HTT-AS: variants seen among roughly 807,000 people sequenced by gnomAD.
The protein encoded by HTT-AS is HTT antisense RNA (head to head).
At chr4:3,067,655 T>C (rs1712080574) in intron 1 of HTT-AS, among the ~76,000 whole-genome samples, 1 of 152,138 alleles carries the variant, frequency 6.6e-6, no homozygotes. Context: ...GCCAATCGCA[T>C]AGCAATGGGA....
intron 2 of HTT-AS, among the ~76,000 whole-genome samples, chr4:3,049,945 CACATAT>C (rs1401124200): frequency 7.0e-6 from 1 of 142,420 alleles, no homozygotes; most frequent in Admixed American, 7.2e-5. Context: ...CACACACACA[CACATAT>C]ACACTTTTTT....
At chr4:3,070,518 G>C (rs771327209) in intron 1 of HTT-AS, among the ~76,000 whole-genome samples, 11 of 152,176 alleles carry the variant, frequency 7.2e-5, no homozygotes, top group Non-Finnish European at 1.6e-4. Flanking sequence ...TTGAACTCCT[G>C]ACCTCAGGTG....
At chr4:3,052,580 T>A (rs1015116428) in intron 2 of HTT-AS, among the ~76,000 whole-genome samples, 2 of 152,206 alleles carry the variant, frequency 1.3e-5, no homozygotes, top group African/African-American at 2.4e-5. Context: ...AGAAATTACT[T>A]CACATAGAGA....
At position 3,051,028 on chromosome 4, in the gene HTT-AS, ATTTG is replaced by A. The variant is rs1181267439; in HGVS notation, n.1381-1334_1381-1331del. Among the ~76,000 whole-genome samples, 59 of 83,308 alleles carry A rather than the reference ATTTG, an allele frequency of 7.1e-4. No individual in the cohort carries two copies. In the East Asian group the frequency reaches 9.8e-3, roughly 14 times the overall value. The allele number at this position is 83,308 out of a possible 152,430, so 54.7% of individuals were successfully genotyped here. A position where few individuals can be genotyped will look rare whatever the true frequency, so the allele number is the denominator to read the frequency against. The stretch of plus-strand genomic sequence containing the variant: ...TATAAACCTTTTATAATCCCTTACA[ATTTG>A]TGTGTGTGTGTGTGTGTGTGTGTGT... On this transcript the variant is annotated intron_variant and non_coding_transcript_variant, in intron 2 of 2. Coordinates refer to ENST00000664062, the Ensembl canonical transcript of HTT-AS.
chr4:3,057,385 T>C (rs745625239), intron 2 of HTT-AS, among the ~76,000 whole-genome samples: 2 of 152,190 alleles, frequency 1.3e-5, no homozygotes, highest in Non-Finnish European at 2.9e-5. Context: ...ATCCATGTTG[T>C]AGTGTGTGTC....
intron 2 of HTT-AS, among the ~76,000 whole-genome samples, chr4:3,059,917 G>T (rs372197032): frequency 1.4e-4 from 19 of 136,228 alleles, no homozygotes; most frequent in African/African-American, 2.2e-4. Context: ...TTGTCCCTGT[G>T]TTTTTTGTTT....
chr4:3,072,590 G>T (rs550374452), intron 1 of HTT-AS, among the ~76,000 whole-genome samples: 11 of 152,112 alleles, frequency 7.2e-5, no homozygotes, highest in Admixed American at 1.3e-4. Context: ...CTGACACAGT[G>T]GACAAAGGCC....
At chr4:3,071,775 T>C (rs958483062) in intron 1 of HTT-AS, among the ~76,000 whole-genome samples, 2 of 152,048 alleles carry the variant, frequency 1.3e-5, no homozygotes, top group African/African-American at 2.4e-5. Context: ...AAGAAGAGAT[T>C]AGGACACGGA....
chr4:3,073,543 G>C (rs901227033), intron 1 of HTT-AS, among the ~76,000 whole-genome samples: 2 of 152,238 alleles, frequency 1.3e-5, no homozygotes, highest in African/African-American at 4.8e-5. Flanking sequence ...CCTGTGGGCG[G>C]CATCTTGTGG....
At chr4:3,057,180 C>T (rs1426350466) in intron 2 of HTT-AS, among the ~76,000 whole-genome samples, 1 of 152,076 alleles carries the variant, frequency 6.6e-6, no homozygotes, top group Non-Finnish European at 1.5e-5. Flanking sequence ...ACTACAGGCG[C>T]CTGCCACCAA....
At chr4:3,071,718 C>T (rs537720118) in intron 1 of HTT-AS, among the ~76,000 whole-genome samples, 140 of 152,116 alleles carry the variant, frequency 9.2e-4, no homozygotes, top group African/African-American at 3.4e-3. Context: ...GGTAAGGAGG[C>T]TAAAATGAGA....
intron 2 of HTT-AS, among the ~76,000 whole-genome samples, chr4:3,052,092 A>G (rs1002126773): frequency 2.6e-4 from 39 of 152,194 alleles, no homozygotes; most frequent in Admixed American, 5.9e-4. Flanking sequence ...CTTTCTGGGA[A>G]GGGCAATGGA....
intron 2 of HTT-AS, among the ~76,000 whole-genome samples, chr4:3,052,853 G>A (rs572805993): frequency 7.2e-5 from 11 of 152,248 alleles, no homozygotes; most frequent in East Asian, 3.9e-4. Flanking sequence ...AAAATTAGCC[G>A]GGCATGGCGG....
chr4:3,068,907 G>A (rs1712108398), intron 1 of HTT-AS, among the ~76,000 whole-genome samples: 1 of 151,354 alleles, frequency 6.6e-6, no homozygotes, highest in Non-Finnish European at 1.5e-5. Context: ...CACCTGCCTG[G>A]GCCTCCCAAA....
At chr4:3,064,847 A>G (rs375868704) in intron 1 of HTT-AS, among the ~76,000 whole-genome samples, 36 of 151,510 alleles carry the variant, frequency 2.4e-4, no homozygotes, top group African/African-American at 8.3e-4. Context: ...AAGACCTTAT[A>G]CAAAACTTCA....
chr4:3,046,415 G>C (rs1711587302), downstream of HTT-AS, among the ~76,000 whole-genome samples: 1 of 152,210 alleles, frequency 6.6e-6, no homozygotes, highest in African/African-American at 2.4e-5. Flanking sequence ...TACTGCCACA[G>C]GTGCAGACTC....
chr4:3,057,313 G>A (rs1348379475), intron 2 of HTT-AS, among the ~76,000 whole-genome samples: 1 of 152,078 alleles, frequency 6.6e-6, no homozygotes, highest in African/African-American at 2.4e-5. Flanking sequence ...GATTACAGGC[G>A]TGAGCCACTG....
In HTT-AS at chr4:3,061,747, C is replaced by T. The variant is rs373252216; in HGVS notation, n.1380+687G>A. Among the ~76,000 whole-genome samples, 173 of 149,672 alleles carry T rather than the reference C, an allele frequency of 1.2e-3. 6 individuals are homozygous for T. The South Asian group carries it at 0.027, about 23-fold the overall frequency. On this transcript the variant is annotated intron_variant and non_coding_transcript_variant, in intron 2 of 2. Transcript: ENST00000664062. ...CTGTAATCCCAGCACTTTGGGAAGC[C>T]GAGGCGGGCAGGTCACAAAGTCAGG...
intron 1 of HTT-AS, among the ~76,000 whole-genome samples, chr4:3,069,738 C>T (rs528265657): frequency 5.3e-5 from 8 of 152,286 alleles, no homozygotes; most frequent in South Asian, 2.1e-4. Flanking sequence ...TCCTATGAGA[C>T]GGGAAAGGTT....
Sources: gnomAD v4.1 joint callset for allele counts (sites outside exome capture counted in the v4.1 genomes callset) on GRCh38, gnomAD v4.1.1 for gene constraint, MANE v1.5 for transcripts, NCBI Gene and HGNC (gene_info 2026-07-23, HGNC 2026-07-21) for gene names.